DSC3: variants seen among roughly 807,000 people sequenced by gnomAD.
The protein encoded by DSC3 is desmocollin-3.
In DSC3, 97 loss-of-function variants were observed where a neutral mutation model predicts 89.5. The ratio of observed to expected loss-of-function variants is 1.08; its 90% CI spans 0.92 to 1.28. DSC3 has a LOEUF of 1.28. Among genes scored for constraint, DSC3 ranks in the 50% most tolerant of loss-of-function variants. DSC3 has a pLI of 0.00. For synonymous variants in DSC3, 436 were observed against 384.1 expected, an observed-to-expected ratio of 1.14 and a Z score of -1.58; for missense variants, 1,199 against 1,085.3, an observed-to-expected ratio of 1.10 and a Z score of -1.47.
chr18:31,022,082 A>C (rs2144715969), intron 7 of DSC3, among the ~76,000 whole-genome samples: 1 of 152,248 alleles, frequency 6.6e-6, no homozygotes, highest in Non-Finnish European at 1.5e-5. Context: ...CATAAGAAAA[A>C]AAAATTTATA....
intron 1 of DSC3, among the ~76,000 whole-genome samples, chr18:31,037,196 T>G (rs1308580581): frequency 6.6e-6 from 1 of 152,244 alleles, no homozygotes; most frequent in African/African-American, 2.4e-5. Context: ...CTGTAATGAA[T>G]GGGATTCTTC....
At chr18:30,995,763 G>A (rs1007939374) in intron 15 of DSC3, among the ~76,000 whole-genome samples, 1 of 151,780 alleles carries the variant, frequency 6.6e-6, no homozygotes, top group African/African-American at 2.4e-5. Flanking sequence ...CTTGAGCCTG[G>A]GAATTGGAGA....
chr18:31,024,766 A>T (rs914341609), intron 5 of DSC3, among the ~76,000 whole-genome samples: 4 of 152,178 alleles, frequency 2.6e-5, no homozygotes, highest in Admixed American at 2.6e-4. Flanking sequence ...CTGAGGAATT[A>T]AATGTGAATA....
At chr18:31,017,949 A>C in intron 9 of DSC3, 122 bp downstream of exon 9, 1 of 784,008 alleles carries the variant, frequency 1.3e-6, no homozygotes, top group Non-Finnish European at 2.0e-6. Flanking sequence ...ATAGTGGTTT[A>C]AATAGATTTT....
chr18:31,025,783 G>A lies in DSC3; in HGVS notation c.607C>T (p.Arg203Cys), dbSNP rs757290041. 5.6e-6 allele frequency: 9 copies of A among 1,612,942 alleles called. No homozygotes were observed. Among genetic ancestry groups the A allele is most frequent in the South Asian group, 2.2e-5 (2 of 91,052 alleles). The change falls in exon 5 of 16, where the codon CGT (arginine) becomes TGT (cysteine). Residue 203 changes from arginine to cysteine, a missense_variant. Physicochemically the swap from Arg to Cys is radical, Grantham distance 180. Transcript: ENST00000360428. ...ACATCAAAAACATCATATTCTTCACGATCCACAGGCCGAGTGCAAAATAGA... is the reference window on the plus strand; with the variant it reads ...ACATCAAAAACATCATATTCTTCACAATCCACAGGCCGAGTGCAAAATAGA... ...GNLFCTRPVD[R>C]EEYDVFDLIA...
chr18:31,036,891 C>T (rs561262149), intron 1 of DSC3, among the ~76,000 whole-genome samples: 4 of 145,254 alleles, frequency 2.8e-5, no homozygotes, highest in African/African-American at 1.0e-4. Context: ...CTCCTAGGTT[C>T]AAGCAATTCT....
At chr18:31,040,090 T>C (rs1454100875) in intron 1 of DSC3, among the ~76,000 whole-genome samples, 1 of 152,054 alleles carries the variant, frequency 6.6e-6, no homozygotes, top group African/African-American at 2.4e-5. Flanking sequence ...ATATAAAAAT[T>C]TGGATGCCTA....
At chr18:31,030,465 C>G (rs1311314576) in intron 3 of DSC3, among the ~76,000 whole-genome samples, 2 of 152,170 alleles carry the variant, frequency 1.3e-5, no homozygotes, top group African/African-American at 2.4e-5. Context: ...TAATGGCATT[C>G]CTCACTGTAA....
chr18:31,035,038 T>C (rs1985926384), intron 1 of DSC3, among the ~76,000 whole-genome samples: 1 of 152,134 alleles, frequency 6.6e-6, no homozygotes, highest in African/African-American at 2.4e-5. Flanking sequence ...AAATTGGCAG[T>C]GAAAGGCCTT....
intron 13 of DSC3, among the ~76,000 whole-genome samples, chr18:31,002,864 A>G (rs1444951728): frequency 6.6e-6 from 1 of 152,196 alleles, no homozygotes; most frequent in Admixed American, 6.5e-5. Context: ...GATACAATGG[A>G]AAACACATGG....
At chr18:31,020,683 C>T (rs1985389412) in intron 7 of DSC3, among the ~76,000 whole-genome samples, 2 of 152,180 alleles carry the variant, frequency 1.3e-5, no homozygotes, top group South Asian at 4.1e-4. Flanking sequence ...TGGCTCATGC[C>T]TGTAAATTCC....
chr18:31,019,581 C>T (rs1002303286), intron 7 of DSC3, among the ~76,000 whole-genome samples: 1 of 152,042 alleles, frequency 6.6e-6, no homozygotes, highest in African/African-American at 2.4e-5. Flanking sequence ...TCGCTCAAGG[C>T]CAGGAGTTTG....
Position 30,992,978 on chromosome 18 carries a change from T to G in DSC3, c.*1197A>C, listed in dbSNP as rs994436735. The G allele has an allele frequency of 2.6e-5, 4 of 152,144 alleles. No homozygotes were observed. The highest frequency in any genetic ancestry group is 9.7e-5 in the African/African-American group (4 of 41,406). The allele number at this position is 152,144 out of a possible 1,614,324, so 9.4% of individuals were successfully genotyped here. ...TTTGTAGCTCCCAGACCTGATCAGGTGTCAAGTTTGTGGGGCTTAGGTTTA... is the reference window on the plus strand; with the variant it reads ...TTTGTAGCTCCCAGACCTGATCAGGGGTCAAGTTTGTGGGGCTTAGGTTTA... On this transcript the variant is annotated 3_prime_UTR_variant, in exon 16 of 16. Transcript: ENST00000360428.
At chr18:30,997,495 G>A (rs1385054898) in intron 14 of DSC3, among the ~76,000 whole-genome samples, 1 of 152,144 alleles carries the variant, frequency 6.6e-6, no homozygotes, top group Non-Finnish European at 1.5e-5. Flanking sequence ...ATTCATGAGA[G>A]CAGAGCCCTC....
chr18:31,034,741 C>G (rs1282356185), intron 1 of DSC3, among the ~76,000 whole-genome samples: 1 of 148,214 alleles, frequency 6.7e-6, no homozygotes, highest in African/African-American at 2.7e-5. Flanking sequence ...ACAACACATA[C>G]TGTACGATTT....
At chr18:30,994,811 C>A (rs1444824575) in intron 15 of DSC3, among the ~76,000 whole-genome samples, 1 of 152,104 alleles carries the variant, frequency 6.6e-6, no homozygotes, top group Admixed American at 6.5e-5. Context: ...ATCCTTTAGT[C>A]TCAGTGACCA....
rs78003671 is a variant in DSC3 at position 31,008,257 on chromosome 18, A to G, written c.1520+12T>C. On this transcript the variant is annotated intron_variant, in intron 10 of 15. Transcript: ENST00000360428. ...ATACATTATTAGTATGTGGTTATAGATTTATTTTTACCTTAAACCATTGCC... is the reference window on the plus strand; with the variant it reads ...ATACATTATTAGTATGTGGTTATAGGTTTATTTTTACCTTAAACCATTGCC... The G allele has an allele frequency of 2.5e-6, 4 of 1,613,586 alleles. No homozygotes were observed. Among genetic ancestry groups the G allele is most frequent in the Non-Finnish European group, 2.5e-6 (3 of 1,179,768 alleles).
intron 4 of DSC3, among the ~76,000 whole-genome samples, chr18:31,029,064 C>T (rs1388010648): frequency 6.6e-6 from 1 of 152,102 alleles, no homozygotes; most frequent in Non-Finnish European, 1.5e-5. Context: ...ACCACCTTAC[C>T]TCAGGGTTTA....
At chr18:31,023,125 G>A (rs1336803984) in intron 6 of DSC3, among the ~76,000 whole-genome samples, 1 of 151,908 alleles carries the variant, frequency 6.6e-6, no homozygotes, top group Non-Finnish European at 1.5e-5. Context: ...CTCTGTTACT[G>A]TAAAAGAGAA....
Sources: gnomAD v4.1 joint callset for allele counts (sites outside exome capture counted in the v4.1 genomes callset) on GRCh38, gnomAD v4.1.1 for gene constraint, MANE v1.5 for transcripts, NCBI Gene and HGNC (gene_info 2026-07-23, HGNC 2026-07-21) for gene names.